TTN: variants seen among roughly 807,000 people sequenced by gnomAD.
TTN encodes the protein titin.
A neutral mutation model predicts 3,223.0 loss-of-function variants in TTN; 1,525 were observed. That is an observed-to-expected ratio of 0.47 (90% CI 0.45 to 0.49). The LOEUF is 0.49. TTN is among the 20% of genes least tolerant of loss of function. The probability of loss-of-function intolerance (pLI) is 0.00; values close to 1 mark genes in which losing one functional copy is unlikely to be tolerated. For synonymous variants in TTN, 14,094 were observed against 15,161.0 expected, an observed-to-expected ratio of 0.93 and a Z score of 5.17; for missense variants, 40,786 against 43,424.0, an observed-to-expected ratio of 0.94 and a Z score of 5.40.
Position 178,545,682 on chromosome 2 carries a change from G to T in TTN, c.95428C>A (p.Pro31810Thr). 1 of 1,612,786 alleles carries T rather than the reference G, an allele frequency of 6.2e-7. No homozygotes were observed. Among genetic ancestry groups the T allele is most frequent in the South Asian group, 1.1e-5 (1 of 91,030 alleles). Residue 31810 changes from proline (P) to threonine (T), a missense_variant, in exon 344 of 363, where the codon CCA (proline) becomes ACA (threonine). Physicochemically the swap from Pro to Thr is conservative, Grantham distance 38. Transcript: ENST00000589042. ...CCAACTTCTTCAGGTATGCCGGGTGGTGATGGAATAGCTGTTTATGAAAAT... is the reference window on the plus strand; with the variant it reads ...CCAACTTCTTCAGGTATGCCGGGTGTTGATGGAATAGCTGTTTATGAAAAT... ...VARNSFTIPS[P>T]PGIPEEVGTG... is the part of the protein sequence containing the mutation.
In TTN at chr2:178,793,552, T is replaced by TA. The variant is rs1390791524; in HGVS notation, c.1399-12dup. 1 of 1,613,200 alleles carries TA rather than the reference T, an allele frequency of 6.2e-7. No individual in the cohort carries two copies. ...CGCTTCCTTTCTTACCTGCTTTTCA[T>TA]AGAGAAAGGAAGAAAACACCTTAAT... is the stretch of plus-strand genomic sequence containing the variant. On this transcript the variant is annotated splice_polypyrimidine_tract_variant and intron_variant, in intron 8 of 362. Transcript: ENST00000589042.
Position 178,580,797 on chromosome 2 carries a change from A to G in TTN, c.66770-188T>C, listed in dbSNP as rs768986441. On this transcript the variant is annotated intron_variant, in intron 316 of 362. Coordinates refer to ENST00000589042, the MANE Select transcript of TTN (RefSeq NM_001267550.2). The stretch of plus-strand genomic sequence containing the variant: ...CTAATTGTTGATCTTTCCATTTTCC[A>G]CTATGCTTTAGGCTTAACCAGGTTT... 3.9e-4 allele frequency: 251 copies of G among 642,322 alleles called. 1 individual carries two copies. In the Middle Eastern group the frequency reaches 3.9e-3, roughly 10 times the overall value. 39.8% of individuals were successfully genotyped at this position (642,322 alleles called of 1,614,324 possible).
chr2:178,629,516 A>G, intron 239 of TTN, 73 bp from the exon 240 acceptor site: 2 of 1,593,110 alleles, frequency 1.3e-6, no homozygotes, highest in Non-Finnish European at 1.7e-6. Context: ...AGACTTAGAT[A>G]TGAATCTTCA....
intron 336 of TTN, 177 bp from the exon 337 acceptor site, chr2:178,550,450 T>C (rs1343095705): frequency 3.5e-6 from 2 of 572,242 alleles, no homozygotes; most frequent in East Asian, 5.8e-5. Context: ...TGGGGTTAAA[T>C]ATTTGCCTAT....
At chr2:178,609,641 A>T in intron 272 of TTN, 43 bp downstream of exon 272, 1 of 1,551,148 alleles carries the variant, frequency 6.4e-7, no homozygotes, top group Non-Finnish European at 8.7e-7. Context: ...ATTTTCATTT[A>T]TTTCAAAATG....
intron 166 of TTN, 45 bp from the exon 167 acceptor site, chr2:178,664,782 T>G (rs754846433): frequency 6.2e-7 from 1 of 1,610,416 alleles, no homozygotes; most frequent in Non-Finnish European, 8.5e-7. Context: ...TGCAGATAAC[T>G]AGGAATAGCA....
intron 223 of TTN, among the ~76,000 whole-genome samples, chr2:178,638,946 C>T (rs985125700): frequency 6.6e-6 from 1 of 151,980 alleles, no homozygotes; most frequent in Non-Finnish European, 1.5e-5. Context: ...CTATCAATTA[C>T]ACATCAAATC....
chr2:178,593,902 T>C (rs1377222614), intron 297 of TTN, 35 bp from the exon 298 acceptor site: 2 of 1,608,100 alleles, frequency 1.2e-6, no homozygotes, highest in South Asian at 1.1e-5. Context: ...CAAAATGTTA[T>C]TGCCATTTCT....
chr2:178,663,972 A>G (rs376814381), intron 169 of TTN, 43 bp downstream of exon 169: 10 of 1,612,542 alleles, frequency 6.2e-6, no homozygotes, highest in Middle Eastern at 1.6e-4. Flanking sequence ...TGTCAAGAGC[A>G]GAAGAATTAG....
chr2:178,715,526 T>A lies in TTN; in HGVS notation c.25888A>T (p.Ser8630Cys). Residue 8630 changes from serine (S) to cysteine (C), a missense_variant, in exon 89 of 363, where the codon AGT becomes TGT. Transcript: ENST00000589042. ...YTCEAHNAAG[S>C]ASSSTSLKVK... ...TTTAAGGATGTGCTGCTGCTGGCACTGCCTGCTGCATTGTGGGCCTCACAG... is the reference window on the plus strand; with the variant it reads ...TTTAAGGATGTGCTGCTGCTGGCACAGCCTGCTGCATTGTGGGCCTCACAG... 6.2e-7 allele frequency: 1 copy of A among 1,612,856 alleles called. No individual in the cohort carries two copies. Among genetic ancestry groups the A allele is most frequent in the Non-Finnish European group, 8.5e-7 (1 of 1,178,964 alleles).
At position 178,704,609 on chromosome 2, in the gene TTN, G is replaced by A. The variant is rs2075564475; in HGVS notation, c.29863C>T (p.Arg9955Ter). Reference sequence around the variant, plus strand: ...CAGTTTTTGACTCTGAGTGTATGTCGGTCACCATCAATGCTTATTTCAAAT... The same window carrying A: ...CAGTTTTTGACTCTGAGTGTATGTCAGTCACCATCAATGCTTATTTCAAAT... Reference protein sequence around the residue: ...DKFEISIDGDRHTLRVKNCQL... With the variant: ...DKFEISIDGD Residue 9955 changes from arginine (R) to a stop codon, truncating the protein, a stop_gained, in exon 105 of 363, where the codon CGA (arginine) becomes TGA (stop). Transcript: ENST00000589042. LOFTEE classifies it high-confidence loss of function. The A allele has an allele frequency of 2.5e-6, 4 of 1,612,420 alleles. No individual in the cohort carries two copies. The highest frequency in any genetic ancestry group is 1.1e-5 in the South Asian group (1 of 90,886).
chr2:178,737,934 G>T (rs1406368295), intron 49 of TTN, 148 bp downstream of exon 49: 1 of 863,550 alleles, frequency 1.2e-6, no homozygotes, highest in African/African-American at 1.7e-5. Flanking sequence ...TCCCATATAG[G>T]CTCTGCAGTA....
At position 178,725,552 on chromosome 2, in the gene TTN, A is replaced by G. The variant is rs760382877; in HGVS notation, c.20652T>C (p.Phe6884=). The G allele has an allele frequency of 6.2e-7, 1 of 1,613,104 alleles. No individual in the cohort carries two copies. Among genetic ancestry groups the G allele is most frequent in the Admixed American group, 1.7e-5 (1 of 59,940 alleles). The part of the protein sequence containing the change: ...QASIEGAQPI[F]VQWLKEKEEV... Reference sequence around the variant, plus strand: ...CTTCCTTCTCTTTAAGCCACTGGACAAAAATAGGCTGGGCGCCTTCTATGG... The same window carrying G: ...CTTCCTTCTCTTTAAGCCACTGGACGAAAATAGGCTGGGCGCCTTCTATGG... The change falls in exon 71 of 363, where the codon TTT becomes TTC. Residue 6884 remains phenylalanine, a synonymous_variant. Transcript: ENST00000589042.
intron 273 of TTN, 57 bp downstream of exon 273, chr2:178,609,145 CTTTTTA>C: frequency 7.0e-7 from 1 of 1,428,574 alleles, no homozygotes; most frequent in Non-Finnish European, 9.1e-7. Flanking sequence ...CTCTCCCAAA[CTTTTTA>C]TTTTTATGTT....
chr2:178,604,559 G>C (rs2054313741), intron 281 of TTN, 149 bp downstream of exon 281: 4 of 893,780 alleles, frequency 4.5e-6, no homozygotes, highest in Non-Finnish European at 6.5e-6. Flanking sequence ...AGCCTTATGT[G>C]TGTGGGGCTA....
chr2:178,538,432 C>T (rs1692706695), intron 354 of TTN, 108 bp downstream of exon 354: 7 of 1,094,652 alleles, frequency 6.4e-6, no homozygotes, highest in Non-Finnish European at 8.8e-6. Context: ...TCTTTCTTAA[C>T]ACTTGCTCTC....
rs765663809 is a variant in TTN, at chr2:178,620,527, G to A, written c.45994C>T (p.Leu15332=). The A allele has an allele frequency of 1.9e-5, 31 of 1,612,178 alleles. No individual in the cohort carries two copies. The highest frequency in any genetic ancestry group is 1.6e-4 in the Middle Eastern group (1 of 6,068). The change falls in exon 248 of 363, where the codon CTG becomes TTG. Residue 15332 remains leucine (L), a synonymous_variant. Coordinates refer to ENST00000589042, the MANE Select transcript of TTN (RefSeq NM_001267550.2). ...WCKVNRLNVT[L]KWTKNGEEVP... ...TCTTCACCATTTTTGGTCCACTTCA[G>A]TGTTACATTGAGACGATTCACCTTG...
rs727504991 is a variant in TTN, at chr2:178,709,609, A to G, written c.28710T>C (p.Asn9570=). 2 of 1,613,732 alleles carry G rather than the reference A, an allele frequency of 1.2e-6. No homozygotes were observed. The highest frequency in any genetic ancestry group is 2.7e-5 in the African/African-American group (2 of 74,938). ...ACGTGCACAGAGCAGAGCCTGCATC[A>G]TTGGACACTTTGCATGTGTACAAAC... The part of the protein sequence containing the change: ...DAGLYTCKVS[N]DAGSALCTSS... Residue 9570 remains asparagine, a synonymous_variant, in exon 99 of 363, where the codon AAT becomes AAC. Transcript: ENST00000589042.
intron 235 of TTN, 22 bp downstream of exon 235, chr2:178,632,504 A>T: frequency 6.2e-7 from 1 of 1,607,824 alleles, no homozygotes. Flanking sequence ...TTTGGGGTGG[A>T]CTATTTGATA....
Sources: allele counts gnomAD v4.1 joint callset (sites outside exome capture counted in the v4.1 genomes callset), GRCh38; gene constraint gnomAD v4.1.1; transcripts MANE v1.5; gene names NCBI Gene and HGNC (gene_info 2026-07-23, HGNC 2026-07-21).